Variants in TNK2 observed in about 807,000 individuals in gnomAD.
TNK2 encodes the protein activated CDC42 kinase 1.
TNK2 carries 83 observed loss-of-function variants against 101.8 expected under a neutral mutation model. The observed-to-expected ratio is 0.82, with a 90% CI of 0.68 to 0.98. The LOEUF is 0.98. TNK2 is among the 50% of genes least tolerant of loss of function. TNK2 has a pLI of 0.00. For synonymous variants in TNK2, 804 were observed against 633.0 expected (o/e 1.27, Z -4.06); for missense variants, 1,665 against 1,483.2 (o/e 1.12, Z -2.01).
Position 195,868,557 on chromosome 3 carries a change from C to A in TNK2, c.1741G>T (p.Ala581Ser). 1.9e-6 allele frequency: 3 copies of A among 1,573,202 alleles called. No homozygotes were observed. In the South Asian group the frequency reaches 3.4e-5, roughly 18 times the overall value. Residue 581 changes from alanine to serine, a missense_variant, in exon 13 of 16, where the codon GCT (alanine) becomes TCT (serine). Physicochemically the swap from Ala to Ser is moderately conservative, Grantham distance 99. Coordinates refer to ENST00000672887, the MANE Select transcript of TNK2 (RefSeq NM_001382273.1). ...PGTKASRGSGAEVTLIDFGEE... is the reference protein window; with the variant it reads ...PGTKASRGSGSEVTLIDFGEE... ...CCGAAGTCGATGAGCGTGACCTCAG[C>A]CCCGCTGCCTCGGCTGGCCTTGGTG... is the stretch of plus-strand genomic sequence containing the variant.
At chr3:195,873,850 G>T (rs970930764) in intron 9 of TNK2, among the ~76,000 whole-genome samples, 1 of 152,154 alleles carries the variant, frequency 6.6e-6, no homozygotes, top group Admixed American at 6.5e-5. Context: ...CGGGGAGACG[G>T]GGCTGTGCTC....
intron 9 of TNK2, among the ~76,000 whole-genome samples, chr3:195,875,464 A>C (rs1748521757): frequency 1.4e-5 from 2 of 145,790 alleles, no homozygotes; most frequent in South Asian, 4.4e-4. Flanking sequence ...GAGGCACAGG[A>C]AGCTCCCCCT....
chr3:195,869,976 G>A (rs1743855414), intron 11 of TNK2, 138 bp downstream of exon 11: 3 of 686,244 alleles, frequency 4.4e-6, no homozygotes, highest in African/African-American at 1.8e-5. Flanking sequence ...CGGAGCCAGG[G>A]ACACAGCTGT....
chr3:195,908,323 G>A (rs1014909480), intron 1 of TNK2, 162 bp downstream of exon 1: 2 of 152,644 alleles, frequency 1.3e-5, no homozygotes, highest in African/African-American at 4.8e-5. Context: ...TACTGGCGGG[G>A]GAGAGGTCCT....
At position 195,866,988 on chromosome 3, in the gene TNK2, C is replaced by A. The variant is rs899560469; in HGVS notation, c.3062G>T (p.Arg1021Leu). Residue 1021 changes from arginine to leucine, a missense_variant, in exon 15 of 16, where the codon CGG becomes CTG. Transcript: ENST00000672887. The stretch of plus-strand genomic sequence containing the variant: ...CACTTTGTGGCACTCCCCTCTGGGC[C>A]GCAGACCCAGCCCGAAGAGCTGCTC... ...KVEQLFGLGL[R>L]PRGECHKVLE... 1 of 1,613,212 alleles carries A rather than the reference C, an allele frequency of 6.2e-7. No individual in the cohort carries two copies. Among genetic ancestry groups the A allele is most frequent in the Admixed American group, 1.7e-5 (1 of 60,022 alleles).
intron 1 of TNK2, among the ~76,000 whole-genome samples, chr3:195,890,095 G>A (rs1387121636): frequency 6.6e-6 from 1 of 152,222 alleles, no homozygotes; most frequent in Non-Finnish European, 1.5e-5. Flanking sequence ...GAGTAACAAA[G>A]GGGAATGAGA....
chr3:195,890,015 C>G (rs920629890), intron 1 of TNK2, among the ~76,000 whole-genome samples: 1 of 152,236 alleles, frequency 6.6e-6, no homozygotes, highest in Non-Finnish European at 1.5e-5. Flanking sequence ...CTCCTGCCCC[C>G]ACAGTTCCCA....
chr3:195,877,504 G>A (rs942833623), intron 9 of TNK2, among the ~76,000 whole-genome samples: 2 of 152,160 alleles, frequency 1.3e-5, no homozygotes, highest in Non-Finnish European at 1.5e-5. Flanking sequence ...CAGGAGCTGC[G>A]AGCACAGGGG....
chr3:195,897,080 G>C (rs1057290460), intron 1 of TNK2, among the ~76,000 whole-genome samples: 1 of 152,190 alleles, frequency 6.6e-6, no homozygotes, highest in Non-Finnish European at 1.5e-5. Context: ...CTGATGAGGA[G>C]AGGGGGGCTT....
chr3:195,867,787 G>A lies in TNK2; in HGVS notation c.2511C>T (p.Ala837=), dbSNP rs781700688. Reference sequence around the variant, plus strand: ...GGGGGGTGGCGTACTTGGGGTCTGAGGCAAAGCTCTGGGTGGTGGGCATGG... The same window carrying A: ...GGGGGGTGGCGTACTTGGGGTCTGAAGCAAAGCTCTGGGTGGTGGGCATGG... ...GKTMPTTQSF[A]SDPKYATPQV... The change falls in exon 13 of 16, where the codon GCC becomes GCT. Residue 837 remains alanine (A), a synonymous_variant. Transcript: ENST00000672887. The A allele has an allele frequency of 1.2e-5, 19 of 1,576,802 alleles. No individual in the cohort carries two copies. The highest frequency in any genetic ancestry group is 1.4e-5 in the Non-Finnish European group (16 of 1,163,788).
At chr3:195,879,486 G>C (rs1751217230) in intron 6 of TNK2, 2 of 237,260 alleles carry the variant, frequency 8.4e-6, no homozygotes, top group East Asian at 1.9e-4. Context: ...AGGGAGAGAA[G>C]ATCACAGGCT....
In TNK2 at chr3:195,878,529, T is replaced by A. The variant is rs1560505442; in HGVS notation, c.1078A>T (p.Ile360Phe). The A allele has an allele frequency of 2.5e-6, 4 of 1,613,712 alleles. No individual in the cohort carries two copies. The African/African-American group carries it at 5.3e-5, about 22-fold the overall frequency. The change falls in exon 8 of 16, where the codon ATC (isoleucine) becomes TTC (phenylalanine). Residue 360 changes from isoleucine to phenylalanine, a missense_variant. Ile to Phe is a conservative substitution (Grantham distance 21). This residue lies in a region of TNK2 where 490 missense variants were observed against 522.5 expected (regional missense o/e 0.94). Transcript: ENST00000672887. This position sits in a 1 kb window ranked among gnomAD's most constrained non-coding sequence, Gnocchi z 4.7. ...CAGCACTGGACCATGACGTTGTAGA[T>A]GTCCTGGGGACAGTCCTCGGGCCGG... ...LPRPEDCPQDIYNVMVQCWAH... is the reference protein window; with the variant it reads ...LPRPEDCPQDFYNVMVQCWAH...
intron 1 of TNK2, among the ~76,000 whole-genome samples, chr3:195,901,877 C>T (rs970414653): frequency 1.3e-5 from 2 of 152,114 alleles, no homozygotes; most frequent in African/African-American, 2.4e-5. Flanking sequence ...GAGGTCCCCG[C>T]GGAAGTCTTA....
chr3:195,895,456 A>T, intron 1 of TNK2: 2 of 1,416,390 alleles, frequency 1.4e-6, no homozygotes, highest in Non-Finnish European at 1.8e-6. Context: ...CTCAGCCCCC[A>T]TAGCCTCATC....
intron 1 of TNK2, among the ~76,000 whole-genome samples, chr3:195,906,238 T>C (rs1474442398): frequency 6.6e-6 from 1 of 152,212 alleles, no homozygotes; most frequent in Non-Finnish European, 1.5e-5. Flanking sequence ...ATATAAAATG[T>C]ACAACCACTT....
In TNK2 at chr3:195,886,964, C is replaced by T; in HGVS notation, c.234+13G>A. ...TGCCCCCCTCCCACCTCCTCACCCACCTCCTCACCCACCTTACTCATCCAC... is the reference window on the plus strand; with the variant it reads ...TGCCCCCCTCCCACCTCCTCACCCATCTCCTCACCCACCTTACTCATCCAC... On this transcript the variant is annotated intron_variant, in intron 3 of 15. Transcript: ENST00000672887. This position sits in a 1 kb window ranked among gnomAD's most constrained non-coding sequence, Gnocchi z 4.2. 6.2e-7 allele frequency: 1 copy of T among 1,613,994 alleles called. No homozygotes were observed. Among genetic ancestry groups the T allele is most frequent in the African/African-American group, 1.3e-5 (1 of 75,054 alleles).
At chr3:195,895,302 A>C (rs372858923) in intron 1 of TNK2, 1 of 1,573,158 alleles carries the variant, frequency 6.4e-7, no homozygotes, top group East Asian at 2.5e-5. Context: ...TCCCCCATGG[A>C]GCCCCAAATC....
Position 195,886,298 on chromosome 3 carries a change from G to C in TNK2, c.234+679C>G, listed in dbSNP as rs534778121. On this transcript the variant is annotated intron_variant, in intron 3 of 15. Transcript: ENST00000672887. This position sits in a 1 kb window ranked among gnomAD's most constrained non-coding sequence, Gnocchi z 4.2. ...CAAGAGACAGCCCCTTTGCCGGATT[G>C]CAGCCAGGAAAATCTCTGCTGCCCA... 4 of 152,570 alleles carry C rather than the reference G, an allele frequency of 2.6e-5. No individual in the cohort carries two copies. Among genetic ancestry groups the C allele is most frequent in the African/African-American group, 7.2e-5 (3 of 41,574 alleles). The allele number at this position is 152,570 out of a possible 1,614,324, so 9.5% of individuals were successfully genotyped here.
chr3:195,882,287 T>C lies in TNK2; in HGVS notation c.651A>G (p.Leu217=), dbSNP rs764905243. ...GGAGGAAGTGGCCCTGGTGCTTACG[T>C]AGCCGGTCCAACAACGATCCCAGAG... ...LAPLGSLLDR[L]RKHQGHFLLG... is the part of the protein sequence containing the mutation. The change falls in exon 6 of 16, where the codon CTA becomes CTG. Residue 217 remains leucine, a synonymous_variant. Transcript: ENST00000672887. This position sits in a 1 kb window ranked among gnomAD's most constrained non-coding sequence, Gnocchi z 4.2. 10 of 1,613,584 alleles carry C rather than the reference T, an allele frequency of 6.2e-6. No individual in the cohort carries two copies. The South Asian group carries it at 1.1e-4, about 18-fold the overall frequency.
Sources: allele counts gnomAD v4.1 joint callset (sites outside exome capture counted in the v4.1 genomes callset), GRCh38; gene constraint gnomAD v4.1.1; regional missense constraint gnomAD v4.1.1; non-coding constraint Gnocchi (gnomAD v3.1); transcripts MANE v1.5; gene names NCBI Gene and HGNC (gene_info 2026-07-23, HGNC 2026-07-21).